SMG8: variants seen among roughly 807,000 people sequenced by gnomAD.
SMG8 encodes the protein nonsense-mediated mRNA decay factor SMG8.
In SMG8, 49 loss-of-function variants were observed where a neutral mutation model predicts 82.1. The ratio of observed to expected loss-of-function variants is 0.60; its 90% CI spans 0.47 to 0.76. SMG8 has a LOEUF of 0.76. SMG8 is among the 30% of genes least tolerant of loss of function. SMG8 has a pLI of 0.00. For missense variants in SMG8, 969 were observed against 1,166.4 expected (o/e 0.83, Z 2.46); for synonymous variants, 404 against 430.0 (o/e 0.94, Z 0.75).
In SMG8 at chr17:59,215,166, T is replaced by G. The variant is rs2046962053; in HGVS notation, c.*164T>G. ...TAATTTGTTCTACTTTTTCATTATA[T>G]TGTTGATATTTATTGTAAACGTGAC... On this transcript the variant is annotated 3_prime_UTR_variant, in exon 4 of 4. Transcript: ENST00000300917. 3.5e-6 allele frequency: 2 copies of G among 563,928 alleles called. No homozygotes were observed. The allele number at this position is 563,928 out of a possible 1,614,324, so 34.9% of individuals were successfully genotyped here.
intron 3 of SMG8, among the ~76,000 whole-genome samples, chr17:59,213,821 C>G (rs2046955824): frequency 6.6e-6 from 1 of 151,936 alleles, no homozygotes; most frequent in Admixed American, 6.6e-5. Context: ...ACTTGTATCT[C>G]TACAAAAAAT....
In SMG8 at chr17:59,214,868, C is replaced by T; in HGVS notation, c.2842C>T (p.Pro948Ser). 1 of 873,006 alleles carries T rather than the reference C, an allele frequency of 1.1e-6. No homozygotes were observed. The highest frequency in any genetic ancestry group is 1.3e-5 in the South Asian group (1 of 76,550). 54.1% of individuals were successfully genotyped at this position (873,006 alleles called of 1,614,324 possible). A position where few individuals can be genotyped will look rare whatever the true frequency, so the allele number is the denominator to read the frequency against. Reference sequence around the variant, plus strand: ...AGAAAAACAAGAAATCACCCTTCCACCTGATGGCCTTTGGGTTTTGAGATT... The same window carrying T: ...AGAAAAACAAGAAATCACCCTTCCATCTGATGGCCTTTGGGTTTTGAGATT... ...YPEKQEITLP[P>S]DGLWVLRFPY... The change falls in exon 4 of 4, where the codon CCT becomes TCT. Residue 948 changes from proline (P) to serine (S), a missense_variant. Transcript: ENST00000300917.
chr17:59,210,477 C>T lies in SMG8; in HGVS notation c.426C>T (p.Tyr142=). The T allele has an allele frequency of 6.3e-7, 1 of 1,586,098 alleles. No homozygotes were observed. The highest frequency in any genetic ancestry group is 8.5e-7 in the Non-Finnish European group (1 of 1,169,780). ...ACTACAGCCTTCTGCAGGCCTACTA[C>T]AGTCAGGAAAGCAAAGTTCTGTATC... ...SQDYSLLQAY[Y]SQESKVLYLL... is the part of the protein sequence containing the mutation. Residue 142 remains tyrosine, a synonymous_variant, in exon 1 of 4, where the codon TAC becomes TAT. Transcript: ENST00000300917.
chr17:59,213,863 G>A (rs2046955996), intron 3 of SMG8, among the ~76,000 whole-genome samples: 1 of 151,992 alleles, frequency 6.6e-6, no homozygotes, highest in Non-Finnish European at 1.5e-5. Context: ...TAATTAAACA[G>A]GTCTTAAATT....
At position 59,212,793 on chromosome 17, in the gene SMG8, C is replaced by G. The variant is rs1489571294; in HGVS notation, c.1970C>G (p.Thr657Ser). Residue 657 changes from threonine to serine, a missense_variant, in exon 3 of 4, where the codon ACT (threonine) becomes AGT (serine). Around this residue, in one of 3 missense-constraint regions of SMG8, gnomAD observed 662 missense variants for 884.8 expected, o/e 0.75. Coordinates refer to ENST00000300917, the MANE Select transcript of SMG8 (RefSeq NM_018149.7). ...HINFPVFEPSTPDPAPAKNES... is the reference protein window; with the variant it reads ...HINFPVFEPSSPDPAPAKNES... ...AATTTCCCAGTATTTGAACCAAGTA[C>G]TCCAGATCCTGCTCCTGCTAAAAAT... The G allele has an allele frequency of 6.2e-7, 1 of 1,613,926 alleles. No homozygotes were observed. The highest frequency in any genetic ancestry group is 1.1e-5 in the South Asian group (1 of 91,076).
Position 59,213,277 on chromosome 17 carries a change from T to C in SMG8, c.2454T>C (p.Pro818=), listed in dbSNP as rs768476414. ...GAGACTTAGACACAAACTCTTGGCC[T>C]GCTCCAAATAAAGCTATTCCTGGAA... ...DEGDLDTNSW[P]APNKAIPGKR... Residue 818 remains proline, a synonymous_variant, in exon 3 of 4, where the codon CCT becomes CCC. Coordinates refer to ENST00000300917, the MANE Select transcript of SMG8 (RefSeq NM_018149.7). 8.7e-6 allele frequency: 14 copies of C among 1,614,076 alleles called. No individual in the cohort carries two copies. The highest frequency in any genetic ancestry group is 1.2e-5 in the Non-Finnish European group (14 of 1,180,046).
Position 59,211,563 on chromosome 17 carries a change from AC to A in SMG8, c.1515del (p.Met506TrpfsTer16). ...CAGAAAACCGATGCCAAAAAGCTTT[AC>A]CCATGGCCCACAGTGCCTACCAGTC... ...FSENRCQKALPMAHSAYQSNL... is the reference protein window; with the variant it reads ...FSENRCQKALXMAHSAYQSNL... On this transcript the variant is annotated frameshift_variant, in exon 1 of 4. Coordinates refer to ENST00000300917, the MANE Select transcript of SMG8 (RefSeq NM_018149.7). LOFTEE classifies it high-confidence loss of function. 1 of 1,614,170 alleles carries A rather than the reference AC, an allele frequency of 6.2e-7. No individual in the cohort carries two copies. Among genetic ancestry groups the A allele is most frequent in the Non-Finnish European group, 8.5e-7 (1 of 1,180,032 alleles).
Position 59,212,839 on chromosome 17 carries a change from A to G in SMG8, c.2016A>G (p.Pro672=). 6.2e-7 allele frequency: 1 copy of G among 1,614,142 alleles called. No homozygotes were observed. The highest frequency in any genetic ancestry group is 8.5e-7 in the Non-Finnish European group (1 of 1,180,042). The change falls in exon 3 of 4, where the codon CCA becomes CCG. Residue 672 remains proline (P), a synonymous_variant. Transcript: ENST00000300917. ...AAAATGAATCCTCTCCTGCTCCTCC[A>G]GATTCGGATGCTGATAAACTTAAAG... ...PAKNESSPAP[P]DSDADKLKEK... is the part of the protein sequence containing the mutation.
At position 59,212,425 on chromosome 17, in the gene SMG8, G is replaced by T. The variant is rs2046949789; in HGVS notation, c.1844G>T (p.Arg615Met). 2 of 1,609,094 alleles carry T rather than the reference G, an allele frequency of 1.2e-6. No individual in the cohort carries two copies. Among genetic ancestry groups the T allele is most frequent in the Non-Finnish European group, 1.7e-6 (2 of 1,176,174 alleles). The change falls in exon 2 of 4, where the codon AGG becomes ATG. Residue 615 changes from arginine to methionine, a missense_variant. Arg to Met is a moderately conservative substitution (Grantham distance 91). Around this residue, in one of 3 missense-constraint regions of SMG8, gnomAD observed 662 missense variants for 884.8 expected, o/e 0.75. Transcript: ENST00000300917. ...ARSTGACNCG[R>M]KQAPRDDPFD... is the part of the protein sequence containing the mutation. The stretch of plus-strand genomic sequence containing the variant: ...TCTACTGGTGCTTGCAACTGTGGAA[G>T]GAAACAAGCACCTCGAGATGATCCC...
At chr17:59,211,986 A>G (rs922977216) in intron 1 of SMG8, 176 bp downstream of exon 1, 3 of 518,030 alleles carry the variant, frequency 5.8e-6, no homozygotes, top group East Asian at 3.3e-5. Context: ...AGCTATGACT[A>G]CTTTCTTATT....
chr17:59,214,244 G>A (rs1017425500), intron 3 of SMG8, among the ~76,000 whole-genome samples: 2 of 151,760 alleles, frequency 1.3e-5, no homozygotes, highest in Non-Finnish European at 2.9e-5. Flanking sequence ...CCGAGATCGC[G>A]CCATTGCACT....
intron 1 of SMG8, 76 bp downstream of exon 1, chr17:59,211,886 T>C: frequency 7.8e-7 from 1 of 1,287,560 alleles, no homozygotes; most frequent in Non-Finnish European, 1.0e-6. Context: ...GATAGTCTGT[T>C]CACTATGTAT....
chr17:59,211,093 G>T lies in SMG8; in HGVS notation c.1042G>T (p.Val348Leu), dbSNP rs1423289597. Residue 348 changes from valine (V) to leucine (L), a missense_variant, in exon 1 of 4, where the codon GTA (valine) becomes TTA (leucine). By Grantham distance (32) the Val-to-Leu change is conservative (BLOSUM62 1). Coordinates refer to ENST00000300917, the MANE Select transcript of SMG8 (RefSeq NM_018149.7). ...ACCGGGAAGCCAGGAGGAGGACCCA[G>T]TAGGTATGTTGCTGGACCAACTTAG... ...IVPGSQEEDP[V>L]GMLLDQLRSH... The T allele has an allele frequency of 3.7e-6, 6 of 1,614,144 alleles. No individual in the cohort carries two copies.
At chr17:59,212,193 A>AAT in intron 1 of SMG8, 148 bp from the exon 2 acceptor site, 1 of 556,670 alleles carries the variant, frequency 1.8e-6, no homozygotes, top group Non-Finnish European at 2.9e-6. Context: ...TTACATTTAT[A>AAT]ATATAAAGTA....
chr17:59,211,411 A>G lies in SMG8; in HGVS notation c.1360A>G (p.Lys454Glu). The change falls in exon 1 of 4, where the codon AAA becomes GAA. Residue 454 changes from lysine (K) to glutamate (E), a missense_variant. Physicochemically the swap from Lys to Glu is moderately conservative, Grantham distance 56 (BLOSUM62 1). This residue lies in a region of SMG8 where 662 missense variants were observed against 884.8 expected (regional missense o/e 0.75). Coordinates refer to ENST00000300917, the MANE Select transcript of SMG8 (RefSeq NM_018149.7). Reference protein sequence around the residue: ...TYQKWISAASKLYEVAIDGKE... With the variant: ...TYQKWISAASELYEVAIDGKE... ...TCAGAAGTGGATCTCAGCAGCTTCA[A>G]AACTGTATGAGGTGGCTATTGATGG... 2 of 1,614,210 alleles carry G rather than the reference A, an allele frequency of 1.2e-6. No individual in the cohort carries two copies. The highest frequency in any genetic ancestry group is 1.7e-6 in the Non-Finnish European group (2 of 1,180,036).
At position 59,214,871 on chromosome 17, in the gene SMG8, G is replaced by T. The variant is rs1284061145; in HGVS notation, c.2845G>T (p.Asp949Tyr). Reference sequence around the variant, plus strand: ...AAAACAAGAAATCACCCTTCCACCTGATGGCCTTTGGGTTTTGAGATTTCC... The same window carrying T: ...AAAACAAGAAATCACCCTTCCACCTTATGGCCTTTGGGTTTTGAGATTTCC... The part of the protein sequence containing the change: ...PEKQEITLPP[D>Y]GLWVLRFPYA... The change falls in exon 4 of 4, where the codon GAT (aspartate) becomes TAT (tyrosine). Residue 949 changes from aspartate to tyrosine, a missense_variant. By Grantham distance (160) the Asp-to-Tyr change is radical. This residue lies in a region of SMG8 where 101 missense variants were observed against 91.1 expected (regional missense o/e 1.11). Transcript: ENST00000300917. 1 of 872,960 alleles carries T rather than the reference G, an allele frequency of 1.1e-6. No homozygotes were observed. The highest frequency in any genetic ancestry group is 1.3e-5 in the South Asian group (1 of 76,546). 54.1% of individuals were successfully genotyped at this position (872,960 alleles called of 1,614,324 possible).
chr17:59,213,675 T>A, intron 3 of SMG8, 74 bp downstream of exon 3: 1 of 1,501,468 alleles, frequency 6.7e-7, no homozygotes, highest in Non-Finnish European at 8.9e-7. Flanking sequence ...TTTTAAAAAG[T>A]ACAAGTTAGC....
intron 3 of SMG8, 43 bp downstream of exon 3, chr17:59,213,644 G>A (rs750736436): frequency 2.6e-6 from 4 of 1,537,154 alleles, no homozygotes; most frequent in Non-Finnish European, 3.5e-6. Context: ...AGTAAAAAAT[G>A]CTGATGTTTG....
In SMG8 at chr17:59,210,727, G is replaced by A; in HGVS notation, c.676G>A (p.Val226Ile). ...TTCCTTTGATATCACTTATGATCGA[G>A]TATTCAGAGCCCTGGATGGGCTGAG... is the stretch of plus-strand genomic sequence containing the variant. ...TCSFDITYDR[V>I]FRALDGLRQK... The change falls in exon 1 of 4, where the codon GTA becomes ATA. Residue 226 changes from valine to isoleucine, a missense_variant. Coordinates refer to ENST00000300917, the MANE Select transcript of SMG8 (RefSeq NM_018149.7). 6.2e-7 allele frequency: 1 copy of A among 1,614,026 alleles called. No individual in the cohort carries two copies. Among genetic ancestry groups the A allele is most frequent in the Non-Finnish European group, 8.5e-7 (1 of 1,179,994 alleles).
Sources: allele counts gnomAD v4.1 joint callset (sites outside exome capture counted in the v4.1 genomes callset), GRCh38; gene constraint gnomAD v4.1.1; regional missense constraint gnomAD v4.1.1; transcripts MANE v1.5; gene names NCBI Gene and HGNC (gene_info 2026-07-23, HGNC 2026-07-21).